Variants in RARB observed in about 807,000 individuals in gnomAD.
RARB encodes the protein retinoic acid receptor beta.
In RARB, 17 loss-of-function variants were observed where a neutral mutation model predicts 51.9. The observed-to-expected ratio is 0.33, with a 90% confidence interval of 0.22 to 0.49. The LOEUF is 0.49. Ranked by LOEUF, RARB falls within the 20% of genes least tolerant of loss-of-function variation. The pLI is 0.99. For missense variants in RARB, 369 were observed against 550.8 expected, an observed-to-expected ratio of 0.67 and a Z score of 3.30; for synonymous variants, 215 against 195.4, an observed-to-expected ratio of 1.10 and a Z score of -0.84.
intron 5 of RARB, among the ~76,000 whole-genome samples, chr3:25,300,958 C>T (rs1342523777): frequency 2.0e-5 from 3 of 152,190 alleles, no homozygotes; most frequent in Non-Finnish European, 4.4e-5. Context: ...GATCACACCA[C>T]TGCACTCCAG....
chr3:24,854,134 A>G (rs1280858159), intron 1 of RARB, among the ~76,000 whole-genome samples: 1 of 152,236 alleles, frequency 6.6e-6, no homozygotes, highest in Non-Finnish European at 1.5e-5. Context: ...TCTTTTGTAC[A>G]GAGCTTACTG....
chr3:25,410,468 A>G lies in RARB; in HGVS notation c.179-50725A>G, dbSNP rs1575380677. Among the ~76,000 whole-genome samples the G allele has an allele frequency of 2.0e-5, 3 of 152,318 alleles. 1 individual carries two copies. In the South Asian group the frequency reaches 6.2e-4, roughly 32 times the overall value. ...AGCTAACTTTATGAAGAATTATTTCATTCTTGTATTTATTCACTTTGAATC... is the reference window on the plus strand; with the variant it reads ...AGCTAACTTTATGAAGAATTATTTCGTTCTTGTATTTATTCACTTTGAATC... On this transcript the variant is annotated intron_variant, in intron 5 of 11. Transcript: ENST00000383772.
At chr3:24,874,850 T>G (rs1206748968) in intron 2 of RARB, among the ~76,000 whole-genome samples, 1 of 152,044 alleles carries the variant, frequency 6.6e-6, no homozygotes, top group Non-Finnish European at 1.5e-5. Flanking sequence ...TTGCCTTCTA[T>G]TTTGTTATTA....
chr3:25,179,043 T>A (rs534908576), intron 5 of RARB, among the ~76,000 whole-genome samples: 1 of 152,342 alleles, frequency 6.6e-6, no homozygotes, highest in Non-Finnish European at 1.5e-5. Context: ...TCTTTTCCCC[T>A]TCTTTTTTAA....
At chr3:25,500,709 C>T (rs1697270169) in intron 2 of RARB, among the ~76,000 whole-genome samples, 1 of 151,894 alleles carries the variant, frequency 6.6e-6, no homozygotes, top group Non-Finnish European at 1.5e-5. Flanking sequence ...AAACTCCTTA[C>T]CTCAAATGAT....
At chr3:25,466,010 T>C (rs1265856063) in intron 2 of RARB, among the ~76,000 whole-genome samples, 1 of 152,228 alleles carries the variant, frequency 6.6e-6, no homozygotes, top group Non-Finnish European at 1.5e-5. Flanking sequence ...AGACTACTTA[T>C]AAGCTTGGTG....
At chr3:25,364,225 C>T (rs1384948026) in intron 5 of RARB, among the ~76,000 whole-genome samples, 1 of 152,130 alleles carries the variant, frequency 6.6e-6, no homozygotes, top group African/African-American at 2.4e-5. Context: ...ACTGCTAAAT[C>T]CCAAGTGCCT....
intron 3 of RARB, among the ~76,000 whole-genome samples, chr3:25,093,332 C>A (rs2125317781): frequency 6.6e-6 from 1 of 152,236 alleles, no homozygotes; most frequent in East Asian, 1.9e-4. Context: ...ATGAAACTAA[C>A]TTTGCAAAAA....
chr3:25,428,718 G>T lies in RARB; in HGVS notation c.-14G>T. ...GGATAAGCACTTTTGCAGACATTCA[G>T]TGCAAGGGAGATCATGTTTGACTGT... On this transcript the variant is annotated 5_prime_UTR_variant, in exon 1 of 8. Transcript: ENST00000330688. 1.2e-6 allele frequency: 2 copies of T among 1,611,398 alleles called. No homozygotes were observed. Among genetic ancestry groups the T allele is most frequent in the Non-Finnish European group, 1.7e-6 (2 of 1,177,898 alleles).
At chr3:24,892,220 GAAAA>G (rs35087864) in intron 2 of RARB, among the ~76,000 whole-genome samples, 1 of 135,592 alleles carries the variant, frequency 7.4e-6, no homozygotes, top group African/African-American at 2.8e-5. Flanking sequence ...TGCCCTCTTA[GAAAA>G]AAAAAAAAAA....
At chr3:25,290,649 G>T (rs1341104517) in intron 5 of RARB, among the ~76,000 whole-genome samples, 3 of 152,166 alleles carry the variant, frequency 2.0e-5, no homozygotes, top group Admixed American at 6.5e-5. Context: ...TGGTAAAAAA[G>T]GTTCAGGAGT....
At chr3:24,877,345 A>ATTTTTT (rs1559379782) in intron 2 of RARB, among the ~76,000 whole-genome samples, 4 of 17,758 alleles carry the variant, frequency 2.3e-4, no homozygotes, top group Non-Finnish European at 3.1e-4. Context: ...AAGCAATCTT[A>ATTTTTT]CTTTTTTTTT....
At chr3:25,497,110 C>G (rs145070270) in intron 2 of RARB, among the ~76,000 whole-genome samples, 1 of 152,174 alleles carries the variant, frequency 6.6e-6, no homozygotes, top group East Asian at 1.9e-4. Flanking sequence ...TCTCGAACTC[C>G]CGACCCTCAG....
intron 2 of RARB, among the ~76,000 whole-genome samples, chr3:25,055,968 C>T (rs1003059856): frequency 6.6e-6 from 1 of 152,096 alleles, no homozygotes; most frequent in Non-Finnish European, 1.5e-5. Flanking sequence ...ATGTTAGCTA[C>T]TCCATGATTA....
At position 25,590,783 on chromosome 3, in the gene RARB, G is replaced by A. The variant is rs190079706; in HGVS notation, c.787-2720G>A. ...GATCTATCCGCCTTGCCCTCCCAAA[G>A]TGCTAACTTTGACTGTCACTTGATA... On this transcript the variant is annotated intron_variant, in intron 5 of 7. Transcript: ENST00000330688. 8.5e-4 allele frequency among the ~76,000 whole-genome samples: 130 copies of A among 152,274 alleles called. 2 individuals carry two copies. Among genetic ancestry groups the A allele is most frequent in the Middle Eastern group, 3.4e-3 (1 of 294 alleles).
At chr3:25,438,243 T>A (rs1449054939) in intron 1 of RARB, among the ~76,000 whole-genome samples, 1 of 152,124 alleles carries the variant, frequency 6.6e-6, no homozygotes, top group African/African-American at 2.4e-5. Context: ...CAGCAGAGGC[T>A]CCCAGTCCTC....
At chr3:25,489,239 G>T (rs1474135247) in intron 2 of RARB, among the ~76,000 whole-genome samples, 1 of 152,186 alleles carries the variant, frequency 6.6e-6, no homozygotes, top group African/African-American at 2.4e-5. Flanking sequence ...GCACTGTGCT[G>T]ACATAATATA....
intron 3 of RARB, among the ~76,000 whole-genome samples, chr3:25,118,400 T>C (rs1168284000): frequency 6.6e-6 from 1 of 152,184 alleles, no homozygotes; most frequent in Non-Finnish European, 1.5e-5. Context: ...TTTCACACCT[T>C]GTGTCTGTGT....
Position 24,864,519 on chromosome 3 carries a change from C to T in RARB, c.-380+5767C>T, listed in dbSNP as rs568260174. Among the ~76,000 whole-genome samples the T allele has an allele frequency of 5.3e-5, 8 of 152,224 alleles. No homozygotes were observed. In the South Asian group the frequency reaches 6.2e-4, roughly 12 times the overall value. Reference sequence around the variant, plus strand: ...ATACTTCCAGCCCTGCTGTTTCCTTCGAGTTCCAGAACCAGGTGTTCAACT... The same window carrying T: ...ATACTTCCAGCCCTGCTGTTTCCTTTGAGTTCCAGAACCAGGTGTTCAACT... On this transcript the variant is annotated intron_variant, in intron 2 of 11. Coordinates refer to the RARB transcript ENST00000383772.
Sources: gnomAD v4.1 joint callset for allele counts (sites outside exome capture counted in the v4.1 genomes callset) on GRCh38, gnomAD v4.1.1 for gene constraint, MANE v1.5 for transcripts, NCBI Gene and HGNC (gene_info 2026-07-23, HGNC 2026-07-21) for gene names.